LCA5: variants seen among roughly 807,000 people sequenced by gnomAD.
LCA5 encodes lebercilin.
A neutral mutation model predicts 53.0 loss-of-function variants in LCA5; 37 were observed. The observed-to-expected ratio is 0.70, with a 90% CI of 0.54 to 0.92. The LOEUF is 0.92. LCA5 is among the 40% of genes least tolerant of loss of function. The pLI is 0.00. For synonymous variants in LCA5, 303 were observed against 282.9 expected (o/e 1.07, Z -0.71); for missense variants, 806 against 790.5 (o/e 1.02, Z -0.23).
chr6:79,504,111 T>C (rs1375601009), intron 3 of LCA5, among the ~76,000 whole-genome samples: 27 of 152,162 alleles, frequency 1.8e-4, no homozygotes, highest in Admixed American at 1.7e-3. Flanking sequence ...GAATTTAACT[T>C]TGATCCAAGA....
chr6:79,519,512 T>C (rs1766557531), intron 1 of LCA5, among the ~76,000 whole-genome samples: 1 of 151,910 alleles, frequency 6.6e-6, no homozygotes, highest in South Asian at 2.1e-4. Flanking sequence ...GGCGGGCAGA[T>C]CATGAGGTCA....
At chr6:79,517,744 AT>A (rs1227066489) in intron 2 of LCA5, among the ~76,000 whole-genome samples, 2 of 152,164 alleles carry the variant, frequency 1.3e-5, no homozygotes, top group Non-Finnish European at 2.9e-5. Flanking sequence ...AGCGAATATT[AT>A]TTTTTGAAGT....
At chr6:79,495,766 A>G (rs1769967265) in intron 3 of LCA5, among the ~76,000 whole-genome samples, 1 of 151,816 alleles carries the variant, frequency 6.6e-6, no homozygotes, top group Non-Finnish European at 1.5e-5. Context: ...AAAAAAAAAA[A>G]AAAGTCGGTC....
At chr6:79,497,953 T>C (rs957094761) in intron 3 of LCA5, among the ~76,000 whole-genome samples, 5 of 111,954 alleles carry the variant, frequency 4.5e-5, no homozygotes, top group South Asian at 2.7e-4. Context: ...TGAGACTCCA[T>C]CTCAAAAAAA....
Position 79,493,725 on chromosome 6 carries a change from C to T in LCA5, c.746G>A (p.Ser249Asn). ...CAACTGTCGTTGGAAACTGTTAGTA[C>T]TCAGTTCAAGGTTTTTCGATAGCTC... ...IKELSKNLEL[S>N]TNSFQRQLLA... The change falls in exon 4 of 8, where the codon AGT becomes AAT. Residue 249 changes from serine to asparagine, a missense_variant. Physicochemically the swap from Ser to Asn is conservative, Grantham distance 46. Transcript: ENST00000369846. The T allele has an allele frequency of 1.2e-6, 2 of 1,613,320 alleles. No homozygotes were observed. The highest frequency in any genetic ancestry group is 1.7e-6 in the Non-Finnish European group (2 of 1,179,566).
At chr6:79,528,851 G>A (rs1396257834) in intron 1 of LCA5, among the ~76,000 whole-genome samples, 5 of 152,148 alleles carry the variant, frequency 3.3e-5, no homozygotes, top group African/African-American at 1.2e-4. Context: ...AAAAAGTGGG[G>A]CATATGTGTT....
rs982458087 is a variant in LCA5, at chr6:79,485,420, G to C, written c.*1584C>G. 2 of 152,450 alleles carry C rather than the reference G, an allele frequency of 1.3e-5. No individual in the cohort carries two copies. The highest frequency in any genetic ancestry group is 2.4e-5 in the African/African-American group (1 of 41,378). The allele number at this position is 152,450 out of a possible 1,614,324, so 9.4% of individuals were successfully genotyped here. On this transcript the variant is annotated 3_prime_UTR_variant, in exon 8 of 8. Coordinates refer to ENST00000369846, the MANE Select transcript of LCA5 (RefSeq NM_001122769.3). The stretch of plus-strand genomic sequence containing the variant: ...TGTTTTACATATATTAGAATGATTT[G>C]CAACATATTATAGTAAATGGTTATA...
At chr6:79,502,980 A>G (rs190673494) in intron 3 of LCA5, among the ~76,000 whole-genome samples, 2 of 152,236 alleles carry the variant, frequency 1.3e-5, no homozygotes, top group Middle Eastern at 6.8e-3. Flanking sequence ...TCCCAGGTTC[A>G]AGCGATTCTC....
intron 3 of LCA5, among the ~76,000 whole-genome samples, chr6:79,506,960 C>T (rs1290891651): frequency 1.3e-5 from 2 of 152,164 alleles, no homozygotes; most frequent in African/African-American, 4.8e-5. Context: ...ACAAAACGCT[C>T]ATTAATATGG....
At chr6:79,494,885 A>G (rs1451571020) in intron 3 of LCA5, among the ~76,000 whole-genome samples, 2 of 152,210 alleles carry the variant, frequency 1.3e-5, no homozygotes, top group Admixed American at 6.5e-5. Context: ...CTTTATCTAA[A>G]TCAAGAACTC....
chr6:79,489,051 T>G (rs758682001), intron 7 of LCA5, 33 bp downstream of exon 7: 2 of 1,610,714 alleles, frequency 1.2e-6, no homozygotes, highest in African/African-American at 2.7e-5. Context: ...GGATGCTGAC[T>G]TGTCACATGC....
rs121918165 is a variant in LCA5, at chr6:79,493,636, G to A, written c.835C>T (p.Gln279Ter). The A allele has an allele frequency of 6.0e-5, 96 of 1,613,236 alleles. 1 individual carries two copies. Among genetic ancestry groups the A allele is most frequent in the Non-Finnish European group, 1.1e-5 (13 of 1,179,438 alleles). The change falls in exon 4 of 8, where the codon CAG (glutamine) becomes TAG (stop). Residue 279 changes from glutamine (Q) to a stop codon, truncating the protein, a stop_gained. Transcript: ENST00000369846. LOFTEE classifies it high-confidence loss of function. ...DENKVLQKEVQRLYHKLKEKE... is the reference protein window; with the variant it reads ...DENKVLQKEV ...ACCTTTAATTTGTGATATAGTCGCT[G>A]TACCTCCTTTTGAAGAACTTTATTT...
chr6:79,512,925 T>C (rs1378320816), intron 3 of LCA5, among the ~76,000 whole-genome samples: 1 of 152,160 alleles, frequency 6.6e-6, no homozygotes, highest in Non-Finnish European at 1.5e-5. Context: ...TTTTATATAC[T>C]ATGGCTATTA....
At chr6:79,532,745 T>G (rs1328426836) in intron 1 of LCA5, among the ~76,000 whole-genome samples, 1 of 152,154 alleles carries the variant, frequency 6.6e-6, no homozygotes, top group African/African-American at 2.4e-5. Flanking sequence ...TTTATTTTCT[T>G]CACAGACCTT....
At chr6:79,521,656 T>TA (rs1445008836) in intron 1 of LCA5, among the ~76,000 whole-genome samples, 3 of 151,974 alleles carry the variant, frequency 2.0e-5, no homozygotes, top group Non-Finnish European at 4.4e-5. Context: ...TTTATTTATT[T>TA]AAAAAAAACT....
At chr6:79,530,182 A>T (rs796164517) in intron 1 of LCA5, among the ~76,000 whole-genome samples, 28 of 152,278 alleles carry the variant, frequency 1.8e-4, no homozygotes, top group African/African-American at 6.0e-4. Context: ...GATGTCTCTA[A>T]ATCTGTGAAG....
At position 79,537,353 on chromosome 6, in the gene LCA5, C is replaced by T. The variant is rs1211182846; in HGVS notation, c.-380G>A. 1 of 152,840 alleles carries T rather than the reference C, an allele frequency of 6.5e-6. No homozygotes were observed. Among genetic ancestry groups the T allele is most frequent in the Non-Finnish European group, 1.5e-5 (1 of 68,554 alleles). 9.5% of individuals were successfully genotyped at this position (152,840 alleles called of 1,614,324 possible). A position where few individuals can be genotyped will look rare whatever the true frequency, so the allele number is the denominator to read the frequency against. On this transcript the variant is annotated 5_prime_UTR_variant, in exon 1 of 8. Transcript: ENST00000369846. ...GGGAGGTTTGAACACAAGGATGGGA[C>T]AGAGGCGAGGATCGGGGCTCCTGGG...
At position 79,527,720 on chromosome 6, in the gene LCA5, A is replaced by G. The variant is rs1287996896; in HGVS notation, c.-191-8635T>C. ...AATAACTGCCAGAATTTAAAATGCA[A>G]TCCTATACTCATCACCATTAACAAT... is the stretch of plus-strand genomic sequence containing the variant. On this transcript the variant is annotated intron_variant, in intron 1 of 7. Transcript: ENST00000369846. Among the ~76,000 whole-genome samples, 3 of 152,188 alleles carry G rather than the reference A, an allele frequency of 2.0e-5. No individual in the cohort carries two copies. The East Asian group carries it at 5.8e-4, about 29-fold the overall frequency.
rs1437592794 is a variant in LCA5 at position 79,486,402 on chromosome 6, T to A, written c.*602A>T. The A allele has an allele frequency of 1.3e-5, 2 of 152,282 alleles. No homozygotes were observed. The highest frequency in any genetic ancestry group is 2.4e-5 in the African/African-American group (1 of 41,468). 9.4% of individuals were successfully genotyped at this position (152,282 alleles called of 1,614,324 possible). A position where few individuals can be genotyped will look rare whatever the true frequency, so the allele number is the denominator to read the frequency against. On this transcript the variant is annotated 3_prime_UTR_variant, in exon 8 of 8. Transcript: ENST00000369846. ...ATTGTAGGTAAGTGATTTCAGTAAATACTGAAATTGGGAAATGAGTAGTGT... is the reference window on the plus strand; with the variant it reads ...ATTGTAGGTAAGTGATTTCAGTAAAAACTGAAATTGGGAAATGAGTAGTGT...
Sources: allele counts gnomAD v4.1 joint callset (sites outside exome capture counted in the v4.1 genomes callset), GRCh38; gene constraint gnomAD v4.1.1; transcripts MANE v1.5; gene names NCBI Gene and HGNC (gene_info 2026-07-23, HGNC 2026-07-21).